Variants in TNKS observed in about 807,000 individuals in gnomAD.
TNKS encodes the protein tankyrase.
TNKS carries 72 observed loss-of-function variants against 135.8 expected under a neutral mutation model. The observed-to-expected ratio is 0.53, with a 90% CI of 0.44 to 0.64. TNKS has a LOEUF of 0.64. Among genes scored for constraint, TNKS ranks in the 30% least tolerant of loss-of-function variants. The probability of loss-of-function intolerance (pLI) is 0.00; values close to 1 mark genes in which losing one functional copy is unlikely to be tolerated. For synonymous variants in TNKS, 849 were observed against 649.3 expected, an observed-to-expected ratio of 1.31 and a Z score of -4.68; for missense variants, 1,769 against 1,674.0, an observed-to-expected ratio of 1.06 and a Z score of -0.99.
At chr8:9,581,590 T>C (rs756599065) in intron 2 of TNKS, among the ~76,000 whole-genome samples, 2 of 152,258 alleles carry the variant, frequency 1.3e-5, no homozygotes, top group East Asian at 1.9e-4. Flanking sequence ...TTGGAATGTG[T>C]TTCCTACGTA....
chr8:9,600,201 C>T (rs991277684), intron 2 of TNKS, among the ~76,000 whole-genome samples: 7 of 152,130 alleles, frequency 4.6e-5, no homozygotes, highest in African/African-American at 1.7e-4. Flanking sequence ...GCAGTTTGGC[C>T]CCAGAAGCCA....
intron 18 of TNKS, 60 bp from the exon 19 acceptor site, chr8:9,751,549 A>G: frequency 6.7e-7 from 1 of 1,498,782 alleles, no homozygotes; most frequent in South Asian, 1.2e-5. Context: ...TTATCAGTGA[A>G]AAACTTACCA....
chr8:9,586,941 G>C (rs539040389), intron 2 of TNKS, among the ~76,000 whole-genome samples: 30 of 151,928 alleles, frequency 2.0e-4, no homozygotes, highest in Non-Finnish European at 3.8e-4. Flanking sequence ...GTACTGTTGG[G>C]TCTCCCGTTA....
At chr8:9,759,992 C>CAAAAA (rs529191810) in intron 20 of TNKS, among the ~76,000 whole-genome samples, 1 of 112,444 alleles carries the variant, frequency 8.9e-6, no homozygotes. Flanking sequence ...GAAAACAAAA[C>CAAAAA]AAAAAAAAAA....
At chr8:9,593,221 G>A (rs959664523) in intron 2 of TNKS, among the ~76,000 whole-genome samples, 7 of 152,138 alleles carry the variant, frequency 4.6e-5, no homozygotes, top group Non-Finnish European at 1.0e-4. Context: ...GCCTCTCAAA[G>A]GACTTAGCCA....
rs1207741221 is a variant in TNKS, at chr8:9,706,891, C to G, written c.1350C>G (p.Val450=). The change falls in exon 8 of 27, where the codon GTC becomes GTG. Residue 450 remains valine (V), a synonymous_variant. Coordinates refer to ENST00000310430, the MANE Select transcript of TNKS (RefSeq NM_003747.3). ...HEAASKNRVE[V]CSLLLSHGAD... ...CTGCTTCCAAGAACCGTGTAGAAGT[C>G]TGCTCTTTGTTACTTAGCCATGGCG... is the stretch of plus-strand genomic sequence containing the variant. 6.8e-6 allele frequency: 11 copies of G among 1,613,960 alleles called. No individual in the cohort carries two copies. The highest frequency in any genetic ancestry group is 8.5e-6 in the Non-Finnish European group (10 of 1,179,992).
intron 2 of TNKS, among the ~76,000 whole-genome samples, chr8:9,590,133 C>T (rs753020385): frequency 6.6e-6 from 1 of 152,170 alleles, no homozygotes; most frequent in Non-Finnish European, 1.5e-5. Flanking sequence ...AAATGCTCCA[C>T]ATAATTCCAG....
chr8:9,701,613 G>A (rs1389224496), intron 5 of TNKS, among the ~76,000 whole-genome samples: 3 of 152,166 alleles, frequency 2.0e-5, no homozygotes, highest in Non-Finnish European at 4.4e-5. Flanking sequence ...TAGACAAAAT[G>A]TATGAAACAG....
In TNKS at chr8:9,585,347, C is replaced by T. The variant is rs990134539; in HGVS notation, c.898+4964C>T. ...TTACACGTGATATGAGTTTCAGAGG[C>T]AGGGGAAAAAAGAAAAAAAAGTCTG... On this transcript the variant is annotated intron_variant, in intron 2 of 26. Transcript: ENST00000310430. Among the ~76,000 whole-genome samples the T allele has an allele frequency of 2.7e-5, 4 of 150,890 alleles. No homozygotes were observed. The East Asian group carries it at 5.8e-4, about 22-fold the overall frequency.
At chr8:9,677,961 C>T (rs1441107530) in intron 3 of TNKS, among the ~76,000 whole-genome samples, 1 of 152,162 alleles carries the variant, frequency 6.6e-6, no homozygotes, top group Admixed American at 6.5e-5. Flanking sequence ...AGTTTCCCCT[C>T]TTCCAGGAAG....
At chr8:9,556,664 C>T in intron 1 of TNKS, 52 bp downstream of exon 1, 1 of 1,601,058 alleles carries the variant, frequency 6.2e-7, no homozygotes. Context: ...GGTGCAGGGT[C>T]CGGTTAGGAC....
In TNKS at chr8:9,706,268, G is replaced by C. The variant is rs1804038809; in HGVS notation, c.1269+15G>C. 6.5e-7 allele frequency: 1 copy of C among 1,531,134 alleles called. No homozygotes were observed. The highest frequency in any genetic ancestry group is 1.4e-5 in the African/African-American group (1 of 69,136). 94.8% of individuals were successfully genotyped at this position (1,531,134 alleles called of 1,614,324 possible). ...TGCTACTAAAGGTAAGAGAAATTCA[G>C]AATATTGAGCATCATTTACTTTTTT... On this transcript the variant is annotated intron_variant, in intron 7 of 26. Transcript: ENST00000310430.
chr8:9,627,540 ATTGCTTGCTTGCTTGCTTGCTTGC>A (rs36130596), intron 3 of TNKS, among the ~76,000 whole-genome samples: 5 of 148,222 alleles, frequency 3.4e-5, no homozygotes, highest in South Asian at 2.2e-4. Flanking sequence ...CTGTGGCAAA[ATTGCTTGCTTGCTTGCTTGCTTGC>A]TTGCTTGCTT....
intron 1 of TNKS, among the ~76,000 whole-genome samples, chr8:9,560,341 A>G (rs940770889): frequency 2.6e-5 from 4 of 151,940 alleles, no homozygotes; most frequent in Non-Finnish European, 4.4e-5. Context: ...TTGGATTATG[A>G]TAGGTAATGT....
chr8:9,623,401 G>A (rs898173115), intron 3 of TNKS, among the ~76,000 whole-genome samples: 1 of 150,238 alleles, frequency 6.7e-6, no homozygotes, highest in African/African-American at 2.5e-5. Flanking sequence ...AGACCACTAT[G>A]AAGAAGCAAA....
At chr8:9,598,482 A>T (rs975708725) in intron 2 of TNKS, among the ~76,000 whole-genome samples, 2 of 151,926 alleles carry the variant, frequency 1.3e-5, no homozygotes, top group South Asian at 4.2e-4. Flanking sequence ...GTAACTAGTG[A>T]TAAAAATATT....
intron 2 of TNKS, among the ~76,000 whole-genome samples, chr8:9,594,911 C>A (rs2128756052): frequency 6.6e-6 from 1 of 152,318 alleles, no homozygotes; most frequent in East Asian, 1.9e-4. Flanking sequence ...TAGTTTGTCA[C>A]ACTGTCTATT....
chr8:9,728,894 C>A (rs1023997690), intron 13 of TNKS, among the ~76,000 whole-genome samples: 13 of 152,132 alleles, frequency 8.5e-5, no homozygotes, highest in Admixed American at 6.5e-5. Context: ...TTGTTTTTAT[C>A]CTACCTGTGT....
intron 3 of TNKS, chr8:9,670,068 G>C (rs1802203709): frequency 6.6e-6 from 1 of 152,124 alleles, no homozygotes; most frequent in South Asian, 2.1e-4. Flanking sequence ...GGGCTATTGT[G>C]ATGTCATGAT....
Sources: allele counts gnomAD v4.1 joint callset (sites outside exome capture counted in the v4.1 genomes callset), GRCh38; gene constraint gnomAD v4.1.1; transcripts MANE v1.5; gene names NCBI Gene and HGNC (gene_info 2026-07-23, HGNC 2026-07-21).